FLNC: variants seen among roughly 807,000 people sequenced by gnomAD.
FLNC encodes the protein filamin-C.
A neutral mutation model predicts 254.3 loss-of-function variants in FLNC; 91 were observed. The ratio of observed to expected loss-of-function variants is 0.36; its 90% CI spans 0.30 to 0.43. FLNC has a LOEUF of 0.43. Among genes scored for constraint, FLNC ranks in the 20% least tolerant of loss-of-function variants. FLNC has a pLI of 1.00. For missense variants in FLNC, 2,853 were observed against 3,802.6 expected (o/e 0.75, Z 6.57); for synonymous variants, 1,430 against 1,577.2 (o/e 0.91, Z 2.21).
chr7:128,853,263 C>T (rs1808901624), intron 37 of FLNC: 2 of 714,960 alleles, frequency 2.8e-6, no homozygotes, highest in Non-Finnish European at 4.8e-6. Context: ...CTCCCTTGCT[C>T]ACTGGAATCC....
Position 128,846,037 on chromosome 7 carries a change from C to G in FLNC, c.3838C>G (p.Leu1280Val). The G allele has an allele frequency of 6.2e-7, 1 of 1,613,902 alleles. No homozygotes were observed. The highest frequency in any genetic ancestry group is 8.5e-7 in the Non-Finnish European group (1 of 1,179,990). The change falls in exon 22 of 48, where the codon CTA becomes GTA. Residue 1280 changes from leucine to valine, a missense_variant. Leu to Val is a conservative substitution (Grantham distance 32, BLOSUM62 1). Around this residue, in one of 10 missense-constraint regions of FLNC, gnomAD observed 1,573 missense variants for 1,883.5 expected, o/e 0.84. Coordinates refer to ENST00000325888, the MANE Select transcript of FLNC (RefSeq NM_001458.5). ...TTEFTVDARS[L>V]TATGGNHVTA... is the part of the protein sequence containing the mutation. Reference sequence around the variant, plus strand: ...TGAGTTCACTGTGGATGCAAGATCCCTAACAGCCACAGGCGGCAACCACGT... The same window carrying G: ...TGAGTTCACTGTGGATGCAAGATCCGTAACAGCCACAGGCGGCAACCACGT...
At position 128,840,158 on chromosome 7, in the gene FLNC, CAAGT is replaced by C. The variant is rs763330423; in HGVS notation, c.1548_1549+2del. On this transcript the variant is annotated splice_donor_variant and coding_sequence_variant, in exon 9 of 48. Transcript: ENST00000325888. LOFTEE classifies it high-confidence loss of function. Reference sequence around the variant, plus strand: ...GAGCTCAAGGTCACGGTCAAGGGGCCAAGTGAGTGCCAGAGCCCAGGGTCGTGAG... The same window carrying C: ...GAGCTCAAGGTCACGGTCAAGGGGCCGAGTGCCAGAGCCCAGGGTCGTGAG... 2 of 1,613,756 alleles carry C rather than the reference CAAGT, an allele frequency of 1.2e-6. No individual in the cohort carries two copies. The highest frequency in any genetic ancestry group is 1.7e-6 in the Non-Finnish European group (2 of 1,180,012).
Position 128,842,417 on chromosome 7 carries a change from C to T in FLNC, c.2265+43C>T, listed in dbSNP as rs1210368453. 7 of 1,612,784 alleles carry T rather than the reference C, an allele frequency of 4.3e-6. No homozygotes were observed. The highest frequency in any genetic ancestry group is 5.9e-6 in the Non-Finnish European group (7 of 1,179,712). ...GCCCCGTGCCCACCACCAGGGGTCCCTGAGGGAGGGCGGAACCCTCGCTGG... is the reference window on the plus strand; with the variant it reads ...GCCCCGTGCCCACCACCAGGGGTCCTTGAGGGAGGGCGGAACCCTCGCTGG... On this transcript the variant is annotated intron_variant, in intron 14 of 47. Coordinates refer to ENST00000325888, the MANE Select transcript of FLNC (RefSeq NM_001458.5). The surrounding 1 kb of genome is among the most constrained non-coding windows in gnomAD (Gnocchi z 5.4).
rs549666574 is a variant in FLNC, at chr7:128,846,267, C to T, written c.3965-34C>T. ...GCAGGAGGGGTGGTGGGGGCGCACA[C>T]TCCCTGATTGATGCCCCTGTGGCTG... On this transcript the variant is annotated intron_variant, in intron 22 of 47. Transcript: ENST00000325888. 61 of 1,613,320 alleles carry T rather than the reference C, an allele frequency of 3.8e-5. 2 individuals carry two copies. In the South Asian group the frequency reaches 6.4e-4, roughly 17 times the overall value.
In FLNC at chr7:128,841,134, A is replaced by T; in HGVS notation, c.1814-36A>T. Reference sequence around the variant, plus strand: ...CTGGGGGACGGAAGGGTCTTGCCTGATGCTGGATCCCCGACCCTCCCCCAC... The same window carrying T: ...CTGGGGGACGGAAGGGTCTTGCCTGTTGCTGGATCCCCGACCCTCCCCCAC... On this transcript the variant is annotated intron_variant, in intron 11 of 47. Transcript: ENST00000325888. The surrounding 1 kb of genome is among the most constrained non-coding windows in gnomAD (Gnocchi z 4.3). The T allele has an allele frequency of 6.2e-7, 1 of 1,608,454 alleles. No homozygotes were observed. The highest frequency in any genetic ancestry group is 8.5e-7 in the Non-Finnish European group (1 of 1,176,926).
chr7:128,851,414 G>C, intron 34 of FLNC, 41 bp from the exon 35 acceptor site: 1 of 1,613,998 alleles, frequency 6.2e-7, no homozygotes, highest in Non-Finnish European at 8.5e-7. Context: ...GGGCAGGGGT[G>C]AGGGCAGGAC....
Position 128,830,766 on chromosome 7 carries a change from G to A in FLNC, c.129G>A (p.Thr43=). The change falls in exon 1 of 48, where the codon ACG becomes ACA. Residue 43 remains threonine, a synonymous_variant. Transcript: ENST00000325888. The part of the protein sequence containing the change: ...PWKKIQQNTF[T]RWCNEHLKCV... ...AGAAGATCCAGCAGAACACATTCAC[G>A]CGCTGGTGCAATGAGCACCTCAAGT... 2 of 1,613,194 alleles carry A rather than the reference G, an allele frequency of 1.2e-6. No homozygotes were observed. Among genetic ancestry groups the A allele is most frequent in the Non-Finnish European group, 1.7e-6 (2 of 1,179,948 alleles).
intron 19 of FLNC, 34 bp downstream of exon 19, chr7:128,843,947 G>T (rs200218379): frequency 6.2e-7 from 1 of 1,613,904 alleles, no homozygotes; most frequent in South Asian, 1.1e-5. Context: ...GGGAGTGAGG[G>T]GTATTCGGGT....
chr7:128,843,613 G>T (rs1301308428), intron 18 of FLNC, 36 bp downstream of exon 18: 2 of 1,611,086 alleles, frequency 1.2e-6, no homozygotes, highest in South Asian at 2.2e-5. Flanking sequence ...CGCCCGGCCG[G>T]CCCGCCAGAG....
chr7:128,851,043 G>A (rs761901332), intron 33 of FLNC, 100 bp downstream of exon 33: 87 of 1,538,874 alleles, frequency 5.7e-5, no homozygotes, highest in Non-Finnish European at 7.1e-5. Flanking sequence ...TTGAGCACCC[G>A]CTGTGTGCAG....
At chr7:128,838,537 C>T (rs1361741508) in intron 7 of FLNC, 66 bp from the exon 8 acceptor site, 46 of 1,605,452 alleles carry the variant, frequency 2.9e-5, no homozygotes, top group Non-Finnish European at 3.9e-5. Flanking sequence ...TGGGCAGCCT[C>T]AGGGTGAGGG....
intron 1 of FLNC, among the ~76,000 whole-genome samples, chr7:128,832,552 C>G (rs1254536221): frequency 1.3e-5 from 2 of 152,260 alleles, no homozygotes; most frequent in Admixed American, 1.3e-4. Flanking sequence ...CGGCCCCTCT[C>G]CAGGCCTCGT....
In FLNC at chr7:128,842,889, T is replaced by G. The variant is rs758056957; in HGVS notation, c.2485T>G (p.Phe829Val). Residue 829 changes from phenylalanine to valine, a missense_variant, in exon 16 of 48, where the codon TTC becomes GTC. This residue lies in a region of FLNC where 1,573 missense variants were observed against 1,883.5 expected (regional missense o/e 0.84). Transcript: ENST00000325888. The surrounding 1 kb of genome is among the most constrained non-coding windows in gnomAD (Gnocchi z 5.4). ...CATCATCAAGAATGACAACGACACC[T>G]TCACCGTCAAGTACACGCCACCAGG... ...FDIIKNDNDT[F>V]TVKYTPPGAG... 10 of 1,613,876 alleles carry G rather than the reference T, an allele frequency of 6.2e-6. No individual in the cohort carries two copies. The highest frequency in any genetic ancestry group is 8.5e-6 in the Non-Finnish European group (10 of 1,180,018).
In FLNC at chr7:128,856,479, G is replaced by A; in HGVS notation, c.7252-39G>A. Reference sequence around the variant, plus strand: ...TTCAGAGAAGACTGCTCCAGCCCCGGCCTCCCAGGAGTCTGAGCATCCTCC... The same window carrying A: ...TTCAGAGAAGACTGCTCCAGCCCCGACCTCCCAGGAGTCTGAGCATCCTCC... On this transcript the variant is annotated intron_variant, in intron 43 of 47. Transcript: ENST00000325888. This position sits in a 1 kb window ranked among gnomAD's most constrained non-coding sequence, Gnocchi z 5.9. 1 of 1,606,824 alleles carries A rather than the reference G, an allele frequency of 6.2e-7. No individual in the cohort carries two copies. The highest frequency in any genetic ancestry group is 8.5e-7 in the Non-Finnish European group (1 of 1,179,832).
intron 35 of FLNC, 58 bp downstream of exon 35, chr7:128,851,686 A>G (rs1027807011): frequency 6.4e-7 from 1 of 1,574,336 alleles, no homozygotes; most frequent in Admixed American, 1.7e-5. Flanking sequence ...CATACAGTGC[A>G]CTCATGTGCA....
rs545269561 is a variant in FLNC, at chr7:128,841,507, C to T, written c.2061C>T (p.Pro687=). The T allele has an allele frequency of 8.1e-6, 13 of 1,614,176 alleles. No individual in the cohort carries two copies. Among genetic ancestry groups the T allele is most frequent in the African/African-American group, 1.3e-5 (1 of 75,074 alleles). Residue 687 remains proline (P), a synonymous_variant, in exon 13 of 48, where the codon CCC becomes CCT. Transcript: ENST00000325888. The surrounding 1 kb of genome is among the most constrained non-coding windows in gnomAD (Gnocchi z 4.3). ...LEPTGCIVDK[P]AEFTIDARAA... ...CTACCGGCTGCATCGTGGACAAGCC[C>T]GCTGAGTTCACCATTGATGCTCGTG...
chr7:128,850,932 A>G lies in FLNC; in HGVS notation c.5528A>G (p.Asn1843Ser). 1 of 1,613,412 alleles carries G rather than the reference A, an allele frequency of 6.2e-7. No individual in the cohort carries two copies. The highest frequency in any genetic ancestry group is 8.5e-7 in the Non-Finnish European group (1 of 1,179,842). Residue 1843 changes from asparagine (N) to serine (S), a missense_variant, in exon 33 of 48, where the codon AAC becomes AGC. This residue lies in a region of FLNC where 258 missense variants were observed against 312.3 expected (regional missense o/e 0.83). Coordinates refer to ENST00000325888, the MANE Select transcript of FLNC (RefSeq NM_001458.5). ...CAGATGGGGATCAAGTATGACGGCA[A>G]CCACATCCCTGGTGAGTTAGGGGCT... The part of the protein sequence containing the change: ...LHQMGIKYDG[N>S]HIPGSPLQFY...
At chr7:128,851,750 T>C in intron 35 of FLNC, 122 bp downstream of exon 35, 2 of 966,748 alleles carry the variant, frequency 2.1e-6, no homozygotes, top group South Asian at 2.7e-5. Flanking sequence ...CTTCAAGGTG[T>C]GAGGGGTCAT....
In FLNC at chr7:128,857,052, T is replaced by G; in HGVS notation, c.7562-66T>G. On this transcript the variant is annotated intron_variant, in intron 45 of 47. Coordinates refer to ENST00000325888, the MANE Select transcript of FLNC (RefSeq NM_001458.5). This position sits in a 1 kb window ranked among gnomAD's most constrained non-coding sequence, Gnocchi z 4.5. ...TCCCCACAGAGGCTGTCCAGGGAGC[T>G]GGGGCCCAGTCCCTCTTGGGCCACA... 6.3e-7 allele frequency: 1 copy of G among 1,577,312 alleles called. No homozygotes were observed.
Sources: gnomAD v4.1 joint callset for allele counts (sites outside exome capture counted in the v4.1 genomes callset) on GRCh38, gnomAD v4.1.1 for gene constraint, gnomAD v4.1.1 regional missense constraint, Gnocchi (gnomAD v3.1) non-coding constraint, MANE v1.5 for transcripts, NCBI Gene and HGNC (gene_info 2026-07-23, HGNC 2026-07-21) for gene names.